Variants in FILIP1 observed in about 807,000 individuals in gnomAD.
FILIP1 encodes the protein filamin-A-interacting protein 1.
In FILIP1, 61 loss-of-function variants were observed where a neutral mutation model predicts 102.1. The ratio of observed to expected loss-of-function variants is 0.60; its 90% CI spans 0.49 to 0.74. The LOEUF (loss-of-function observed/expected upper bound fraction) is 0.74. Ranked by LOEUF, FILIP1 falls within the 30% of genes least tolerant of loss-of-function variation. FILIP1 has a pLI of 0.00. For missense variants in FILIP1, 1,314 were observed against 1,441.2 expected (o/e 0.91, Z 1.43); for synonymous variants, 491 against 526.9 (o/e 0.93, Z 0.93).
In FILIP1 at chr6:75,322,226, CA is replaced by C. The variant is rs550142586; in HGVS notation, c.630-7025del. On this transcript the variant is annotated intron_variant, in intron 4 of 5. Transcript: ENST00000237172. ...CATATTACATCTCTTTTTTTTTCAA[CA>C]ATTTCCTAATAGTTACAATTTCATT... Among the ~76,000 whole-genome samples, 289 of 151,758 alleles carry C rather than the reference CA, an allele frequency of 1.9e-3. 2 individuals are homozygous for C. The South Asian group carries it at 0.02, about 10-fold the overall frequency.
chr6:75,426,310 A>C (rs1044215741), intron 1 of FILIP1, among the ~76,000 whole-genome samples: 3 of 152,198 alleles, frequency 2.0e-5, no homozygotes, highest in African/African-American at 7.2e-5. Context: ...CATGAACATA[A>C]AAGGGTTCTC....
intron 2 of FILIP1, among the ~76,000 whole-genome samples, chr6:75,411,991 A>T (rs1230106045): frequency 1.3e-5 from 2 of 152,154 alleles, no homozygotes; most frequent in African/African-American, 4.8e-5. Flanking sequence ...CATTGAATCT[A>T]TAAATTACTT....
intron 1 of FILIP1, among the ~76,000 whole-genome samples, chr6:75,472,298 T>C (rs886586853): frequency 6.6e-6 from 1 of 152,074 alleles, no homozygotes; most frequent in African/African-American, 2.4e-5. Flanking sequence ...CAGGGTGCTA[T>C]GATATAAGTG....
chr6:75,415,282 G>A (rs921273130), intron 1 of FILIP1, among the ~76,000 whole-genome samples: 7 of 151,892 alleles, frequency 4.6e-5, no homozygotes, highest in Non-Finnish European at 7.4e-5. Context: ...TGTAACAAAC[G>A]TACTATACTA....
chr6:75,419,180 A>C (rs1777368217), intron 1 of FILIP1, among the ~76,000 whole-genome samples: 1 of 152,328 alleles, frequency 6.6e-6, no homozygotes, highest in Non-Finnish European at 1.5e-5. Flanking sequence ...TCTAGTTCCC[A>C]GACTTCCTTA....
At chr6:75,456,503 T>C (rs984214143) in intron 1 of FILIP1, among the ~76,000 whole-genome samples, 1 of 152,184 alleles carries the variant, frequency 6.6e-6, no homozygotes, top group Non-Finnish European at 1.5e-5. Flanking sequence ...TAAAAGTGTG[T>C]TTCATTTAAT....
chr6:75,453,263 C>T (rs974717888), intron 1 of FILIP1, among the ~76,000 whole-genome samples: 1 of 152,178 alleles, frequency 6.6e-6, no homozygotes, highest in African/African-American at 2.4e-5. Context: ...CCCACTGCAA[C>T]TTCTATGCCC....
At chr6:75,328,857 C>G (rs1187041837) in intron 4 of FILIP1, among the ~76,000 whole-genome samples, 1 of 152,176 alleles carries the variant, frequency 6.6e-6, no homozygotes. Flanking sequence ...TCTCAGCTCC[C>G]TTGGCCTTTG....
intron 1 of FILIP1, among the ~76,000 whole-genome samples, chr6:75,448,432 T>C (rs1310035658): frequency 6.6e-6 from 1 of 152,108 alleles, no homozygotes; most frequent in African/African-American, 2.4e-5. Flanking sequence ...CCTTTAAAGA[T>C]AAATGCCTTA....
At chr6:75,372,621 A>AAGAAAG (rs1554204813) in intron 2 of FILIP1, among the ~76,000 whole-genome samples, 1 of 42,230 alleles carries the variant, frequency 2.4e-5, no homozygotes, top group African/African-American at 8.8e-5. Context: ...GAAAGAAAGA[A>AAGAAAG]AAAGAAAGAA....
chr6:75,335,815 G>C (rs1774223460), intron 4 of FILIP1, among the ~76,000 whole-genome samples: 1 of 151,888 alleles, frequency 6.6e-6, no homozygotes, highest in South Asian at 2.1e-4. Flanking sequence ...GCATAGAAAA[G>C]AATATGAAAA....
chr6:75,402,736 G>A (rs1776700287), intron 2 of FILIP1, among the ~76,000 whole-genome samples: 1 of 152,162 alleles, frequency 6.6e-6, no homozygotes, highest in East Asian at 1.9e-4. Context: ...GACATCTCTT[G>A]TTAAAAATGA....
At chr6:75,303,752 GGAGA>G (rs137957853), downstream of FILIP1, among the ~76,000 whole-genome samples, 421 of 147,594 alleles carry the variant, frequency 2.9e-3, 2 homozygotes, top group African/African-American at 9.7e-3. Context: ...AGAGAAAGAG[GGAGA>G]GAGAGAGAGA....
In FILIP1 at chr6:75,313,667, G is replaced by T; in HGVS notation, c.2165C>A (p.Ala722Asp). The T allele has an allele frequency of 2.5e-6, 4 of 1,570,012 alleles. No homozygotes were observed. The highest frequency in any genetic ancestry group is 3.4e-6 in the Non-Finnish European group (4 of 1,163,786). Reference sequence around the variant, plus strand: ...CTTCTCTTTAAGAGCTTGTACTTCGGCTTTTAAGTCTCGACTTTTAGCTTC... The same window carrying T: ...CTTCTCTTTAAGAGCTTGTACTTCGTCTTTTAAGTCTCGACTTTTAGCTTC... ...LEEAKSRDLK[A>D]EVQALKEKIH... Residue 722 changes from alanine to aspartate, a missense_variant, in exon 5 of 6, where the codon GCC (alanine) becomes GAC (aspartate). Physicochemically the swap from Ala to Asp is moderately radical, Grantham distance 126. Coordinates refer to ENST00000237172, the MANE Select transcript of FILIP1 (RefSeq NM_015687.5). This position sits in a 1 kb window ranked among gnomAD's most constrained non-coding sequence, Gnocchi z 4.2.
intron 2 of FILIP1, among the ~76,000 whole-genome samples, chr6:75,382,863 T>A (rs1775950649): frequency 6.6e-6 from 1 of 152,194 alleles, no homozygotes; most frequent in South Asian, 2.1e-4. Flanking sequence ...GCTAACCATG[T>A]TAAATTAGCC....
At chr6:75,439,323 G>A (rs1442656658) in intron 1 of FILIP1, among the ~76,000 whole-genome samples, 2 of 151,934 alleles carry the variant, frequency 1.3e-5, no homozygotes, top group Non-Finnish European at 1.5e-5. Flanking sequence ...CCGAGATCAC[G>A]CCACTGCACT....
At chr6:75,341,896 G>A (rs959748979) in intron 4 of FILIP1, among the ~76,000 whole-genome samples, 6 of 152,128 alleles carry the variant, frequency 3.9e-5, no homozygotes, top group Non-Finnish European at 8.8e-5. Context: ...AACTTGTATT[G>A]TTTTCCTCCA....
intron 1 of FILIP1, among the ~76,000 whole-genome samples, chr6:75,464,844 A>G (rs1187199915): frequency 6.6e-6 from 1 of 152,120 alleles, no homozygotes; most frequent in Non-Finnish European, 1.5e-5. Context: ...GCATCCTTTT[A>G]GTTGCTAGGC....
chr6:75,424,337 A>C (rs1397622790), intron 1 of FILIP1, among the ~76,000 whole-genome samples: 3 of 152,174 alleles, frequency 2.0e-5, no homozygotes, highest in African/African-American at 4.8e-5. Flanking sequence ...GAATCCCACT[A>C]TTCCAATAAA....
Sources: gnomAD v4.1 joint callset for allele counts (sites outside exome capture counted in the v4.1 genomes callset) on GRCh38, gnomAD v4.1.1 for gene constraint, Gnocchi (gnomAD v3.1) non-coding constraint, MANE v1.5 for transcripts, NCBI Gene and HGNC (gene_info 2026-07-23, HGNC 2026-07-21) for gene names.